The following ARSG variants were observed in gnomAD, a reference collection of about 807,000 sequenced individuals.
The protein encoded by ARSG is arylsulfatase G.
In ARSG, 37 loss-of-function variants were observed where a neutral mutation model predicts 50.5. That is an observed-to-expected ratio of 0.73 (90% CI 0.56 to 0.96). The LOEUF (loss-of-function observed/expected upper bound fraction) is 0.96, where lower values mean the gene tolerates loss of function less well. Among genes scored for constraint, ARSG ranks in the 50% least tolerant of loss-of-function variants. The probability of loss-of-function intolerance (pLI) is 0.00; values close to 1 mark genes in which losing one functional copy is unlikely to be tolerated. For missense variants in ARSG, 629 were observed against 675.3 expected (o/e 0.93, Z 0.76); for synonymous variants, 225 against 254.6 (o/e 0.88, Z 1.11).
At chr17:68,278,207 G>C in intron 1 of ARSG, 1 of 1,614,134 alleles carries the variant, frequency 6.2e-7, no homozygotes, top group Non-Finnish European at 8.5e-7. Flanking sequence ...TGATGCCGTA[G>C]GTGAAGACTT....
chr17:68,274,678 T>C (rs1314022591), intron 1 of ARSG: 3 of 152,222 alleles, frequency 2.0e-5, no homozygotes, highest in Non-Finnish European at 4.4e-5. Flanking sequence ...TATTCTATAA[T>C]AAAAATTGGT....
chr17:68,274,699 T>A (rs1337223550), intron 1 of ARSG: 1 of 152,204 alleles, frequency 6.6e-6, no homozygotes, highest in Non-Finnish European at 1.5e-5. Context: ...TTTCCTATGA[T>A]TGCTTGAATT....
chr17:68,445,948 A>G, the ARSG span, among the ~76,000 whole-genome samples: 5 of 152,286 alleles, frequency 3.3e-5, no homozygotes, highest in Admixed American at 2.0e-4. Flanking sequence ...TTAGACGAAT[A>G]CCAGGTGATT....
In ARSG at chr17:68,381,367, A is replaced by G. The variant is rs1006387839; in HGVS notation, c.983-3697A>G. On this transcript the variant is annotated intron_variant, in intron 8 of 11. Transcript: ENST00000621439. The surrounding 1 kb of genome is among the most constrained non-coding windows in gnomAD (Gnocchi z 4.1). The stretch of plus-strand genomic sequence containing the variant: ...AAGAGGTTCTGCTTTAATTAGAGTC[A>G]CAAGTAACCACAAGTGCGTAGAAAT... Among the ~76,000 whole-genome samples, 1 of 152,226 alleles carries G rather than the reference A, an allele frequency of 6.6e-6. No homozygotes were observed. The highest frequency in any genetic ancestry group is 2.4e-5 in the African/African-American group (1 of 41,458).
the ARSG span, among the ~76,000 whole-genome samples, chr17:68,429,365 A>G: frequency 6.6e-6 from 1 of 152,136 alleles, no homozygotes; most frequent in Non-Finnish European, 1.5e-5. Flanking sequence ...ACTCCTTTAA[A>G]CTTCTTAAAA....
intron 1 of ARSG, among the ~76,000 whole-genome samples, chr17:68,281,425 G>A (rs184153675): frequency 1.3e-5 from 2 of 151,854 alleles, no homozygotes; most frequent in Admixed American, 1.3e-4. Context: ...AAATTAGCTG[G>A]GCGTGGTGGC....
intron 2 of ARSG, among the ~76,000 whole-genome samples, chr17:68,340,447 G>A (rs2078217433): frequency 6.6e-6 from 1 of 151,842 alleles, no homozygotes; most frequent in African/African-American, 2.4e-5. Flanking sequence ...ACCATGTCCG[G>A]CTATTTTTTT....
intron 5 of ARSG, 57 bp downstream of exon 5, chr17:68,351,743 T>C: frequency 8.7e-7 from 1 of 1,154,564 alleles, no homozygotes; most frequent in Non-Finnish European, 1.3e-6. Context: ...GTTCCAAGAC[T>C]GTGGTCCATC....
intron 2 of ARSG, among the ~76,000 whole-genome samples, chr17:68,337,094 G>T (rs1225846493): frequency 6.6e-6 from 1 of 152,112 alleles, no homozygotes; most frequent in Non-Finnish European, 1.5e-5. Flanking sequence ...AAGCGTCTAG[G>T]CAGCCCTGAT....
intron 5 of ARSG, among the ~76,000 whole-genome samples, chr17:68,352,049 A>G (rs2078789484): frequency 6.8e-6 from 1 of 147,294 alleles, no homozygotes; most frequent in African/African-American, 2.5e-5. Context: ...GAGAGAGCAG[A>G]GGAGAGAGAC....
At chr17:68,310,095 T>C (rs1465124705) in intron 2 of ARSG, among the ~76,000 whole-genome samples, 1 of 151,524 alleles carries the variant, frequency 6.6e-6, no homozygotes, top group African/African-American at 2.4e-5. Flanking sequence ...TGCCTCAGCC[T>C]CCCGAGTAGC....
chr17:68,271,353 C>T lies in ARSG; in HGVS notation c.-552+11927C>T, dbSNP rs1568404775. ...CGCTTGGCCTGGGGCTGGTCTTCAC[C>T]AGGACCTGCTGCATGTCGGCCTTCG... On this transcript the variant is annotated intron_variant, in intron 1 of 11. Transcript: ENST00000448504. The surrounding 1 kb of genome is among the most constrained non-coding windows in gnomAD (Gnocchi z 5.3). 6.2e-7 allele frequency: 1 copy of T among 1,614,216 alleles called. No homozygotes were observed. Among genetic ancestry groups the T allele is most frequent in the Non-Finnish European group, 8.5e-7 (1 of 1,180,042 alleles).
the ARSG span, chr17:68,440,851 CA>C: frequency 2.0e-5 from 3 of 152,204 alleles, no homozygotes; most frequent in Non-Finnish European, 1.5e-5. Flanking sequence ...TTATAAAATG[CA>C]GTTCCCTCTG....
Sources: allele counts gnomAD v4.1 joint callset (sites outside exome capture counted in the v4.1 genomes callset), GRCh38; gene constraint gnomAD v4.1.1; non-coding constraint Gnocchi (gnomAD v3.1); transcripts MANE v1.5; gene names NCBI Gene and HGNC (gene_info 2026-07-23, HGNC 2026-07-21).